PCDHA7: variants seen among roughly 807,000 people sequenced by gnomAD.
PCDHA7 encodes protocadherin alpha-7.
In PCDHA7, 37 loss-of-function variants were observed where a neutral mutation model predicts 57.2. The observed-to-expected ratio is 0.65, with a 90% CI of 0.50 to 0.85. The LOEUF (loss-of-function observed/expected upper bound fraction) is 0.85. Ranked by LOEUF, PCDHA7 falls within the 40% of genes least tolerant of loss-of-function variation. The pLI is 0.00. For synonymous variants in PCDHA7, 553 were observed against 558.8 expected, an observed-to-expected ratio of 0.99 and a Z score of 0.15; for missense variants, 1,188 against 1,241.8, an observed-to-expected ratio of 0.96 and a Z score of 0.65.
chr5:140,883,569 C>T (rs781786717), intron 1 of PCDHA7: 3 of 1,614,134 alleles, frequency 1.9e-6, no homozygotes, highest in Non-Finnish European at 2.5e-6. Flanking sequence ...GGCTCGCCTT[C>T]GCTGTGGGCC....
intron 1 of PCDHA7, among the ~76,000 whole-genome samples, chr5:140,939,281 G>A (rs1554212652): frequency 6.6e-6 from 1 of 152,014 alleles, no homozygotes; most frequent in African/African-American, 2.4e-5. Context: ...CTGTGCCCTC[G>A]TGATCTAATC....
chr5:140,895,670 G>A (rs551602030), intron 1 of PCDHA7, among the ~76,000 whole-genome samples: 2 of 152,132 alleles, frequency 1.3e-5, no homozygotes, highest in African/African-American at 2.4e-5. Context: ...AGAACATGTA[G>A]TATTTGGTTT....
chr5:140,901,899 T>C (rs1439841120), intron 1 of PCDHA7, among the ~76,000 whole-genome samples: 2 of 152,152 alleles, frequency 1.3e-5, no homozygotes, highest in Non-Finnish European at 2.9e-5. Flanking sequence ...ATATTTTTCA[T>C]TGTGGAGATC....
chr5:141,008,642 T>C (rs1554261860), intron 3 of PCDHA7, among the ~76,000 whole-genome samples: 1 of 152,212 alleles, frequency 6.6e-6, no homozygotes, highest in Non-Finnish European at 1.5e-5. Flanking sequence ...AACAATTTCT[T>C]CTTCTGGAGT....
intron 1 of PCDHA7, among the ~76,000 whole-genome samples, chr5:140,904,015 AT>A (rs1171166257): frequency 6.6e-6 from 1 of 152,234 alleles, no homozygotes; most frequent in Non-Finnish European, 1.5e-5. Flanking sequence ...ACTTTAAAAA[AT>A]AATGGTATAA....
At chr5:140,842,084 G>T in intron 1 of PCDHA7, 1 of 1,613,876 alleles carries the variant, frequency 6.2e-7, no homozygotes, top group South Asian at 1.1e-5. Flanking sequence ...ATTCGAAAAC[G>T]CAGACAACGG....
At chr5:140,876,433 A>G (rs1562712994) in intron 1 of PCDHA7, 19 of 1,614,000 alleles carry the variant, frequency 1.2e-5, no homozygotes, top group Non-Finnish European at 1.6e-5. Flanking sequence ...AATTCAGGTT[A>G]ACGCCATTGA....
At chr5:140,959,583 A>G (rs529440681) in intron 1 of PCDHA7, among the ~76,000 whole-genome samples, 10 of 152,332 alleles carry the variant, frequency 6.6e-5, no homozygotes, top group Admixed American at 1.3e-4. Flanking sequence ...TTTCAATTCT[A>G]TCAGCCAAGT....
In PCDHA7 at chr5:140,836,449, C is replaced by T. The variant is rs1774490030; in HGVS notation, c.2066C>T (p.Pro689Leu). Reference protein sequence around the residue: ...SSRASLGIAGPETELVDVNVY... With the variant: ...SSRASLGIAGLETELVDVNVY... ...CGGGCATCGTTGGGCATTGCAGGCC[C>T]AGAGACCGAGCTGGTGGATGTCAAC... The change falls in exon 1 of 4, where the codon CCA (proline) becomes CTA (leucine). Residue 689 changes from proline to leucine, a missense_variant. Coordinates refer to ENST00000525929, the MANE Select transcript of PCDHA7 (RefSeq NM_018910.3). The T allele has an allele frequency of 1.2e-6, 2 of 1,613,826 alleles. No homozygotes were observed. The highest frequency in any genetic ancestry group is 1.3e-5 in the African/African-American group (1 of 74,962).
At chr5:140,970,121 G>C (rs1230320134) in intron 1 of PCDHA7, among the ~76,000 whole-genome samples, 1 of 152,184 alleles carries the variant, frequency 6.6e-6, no homozygotes, top group Non-Finnish European at 1.5e-5. Flanking sequence ...GCTGGGATTA[G>C]AAGGAAGAGA....
At chr5:140,843,618 A>C in intron 1 of PCDHA7, 1 of 1,596,148 alleles carries the variant, frequency 6.3e-7, no homozygotes, top group South Asian at 1.1e-5. Context: ...GGGCCACCGA[A>C]GACGGACCTC....
chr5:140,965,445 G>T (rs1460508023), intron 1 of PCDHA7, among the ~76,000 whole-genome samples: 1 of 151,794 alleles, frequency 6.6e-6, no homozygotes, highest in Non-Finnish European at 1.5e-5. Flanking sequence ...TGAAATTGCT[G>T]GTTATTGTAA....
chr5:140,903,760 C>T (rs1252310927), intron 1 of PCDHA7, among the ~76,000 whole-genome samples: 2 of 152,108 alleles, frequency 1.3e-5, no homozygotes, highest in Non-Finnish European at 2.9e-5. Flanking sequence ...TTGATTTTTG[C>T]TGAACTTTTC....
At chr5:140,841,397 G>T in intron 1 of PCDHA7, 3 of 1,613,254 alleles carry the variant, frequency 1.9e-6, no homozygotes, top group Non-Finnish European at 2.5e-6. Flanking sequence ...AGCCTGGAAG[G>T]TGGGGAGCGG....
intron 1 of PCDHA7, among the ~76,000 whole-genome samples, chr5:140,912,269 A>T (rs1463580948): frequency 6.6e-6 from 1 of 151,984 alleles, no homozygotes; most frequent in African/African-American, 2.4e-5. Context: ...ACCCTCACAG[A>T]TATACCCAGG....
chr5:140,857,728 C>G, intron 1 of PCDHA7: 1 of 1,597,418 alleles, frequency 6.3e-7, no homozygotes, highest in Non-Finnish European at 8.6e-7. Context: ...AGAACGACAA[C>G]GCTCCCGCGC....
chr5:141,000,383 CTCTCTCTCTCTCTA>C (rs1438422699), intron 3 of PCDHA7, among the ~76,000 whole-genome samples: 4 of 63,178 alleles, frequency 6.3e-5, no homozygotes, highest in African/African-American at 2.9e-4. Context: ...CTCTCTCTCT[CTCTCTCTCTCTCTA>C]TATATATATA....
chr5:140,849,968 C>G, intron 1 of PCDHA7: 1 of 1,597,844 alleles, frequency 6.3e-7, no homozygotes, highest in Non-Finnish European at 8.6e-7. Flanking sequence ...CCCTGGTGTC[C>G]TACTCGCTGG....
intron 1 of PCDHA7, chr5:140,849,848 C>T (rs1554143388): frequency 6.3e-6 from 10 of 1,598,544 alleles, no homozygotes; most frequent in African/African-American, 4.0e-5. Context: ...TGAACGACAA[C>T]GCACCAGCGT....
Sources: gnomAD v4.1 joint callset for allele counts (sites outside exome capture counted in the v4.1 genomes callset) on GRCh38, gnomAD v4.1.1 for gene constraint, MANE v1.5 for transcripts, NCBI Gene and HGNC (gene_info 2026-07-23, HGNC 2026-07-21) for gene names.